Variants in ADARB1 observed in about 807,000 individuals in gnomAD.
The protein encoded by ADARB1 is adenosine deaminase RNA specific B1.
ADARB1 carries 10 observed loss-of-function variants against 52.4 expected under a neutral mutation model. The ratio of observed to expected loss-of-function variants is 0.19; its 90% CI spans 0.12 to 0.32. The LOEUF is 0.32. ADARB1 is among the 10% of genes least tolerant of loss of function. The pLI, the probability that ADARB1 is intolerant of heterozygous loss-of-function variation, is 1.00. For missense variants in ADARB1, 643 were observed against 922.3 expected, an observed-to-expected ratio of 0.70 and a Z score of 3.92; for synonymous variants, 349 against 371.1, an observed-to-expected ratio of 0.94 and a Z score of 0.68.
At chr21:45,121,636 G>A (rs1440763928) in intron 1 of ADARB1, among the ~76,000 whole-genome samples, 1 of 152,090 alleles carries the variant, frequency 6.6e-6, no homozygotes, top group Non-Finnish European at 1.5e-5. Flanking sequence ...TTATTGCTTC[G>A]GTTCTACTGC....
intron 7 of ADARB1, chr21:45,184,476 T>C: frequency 4.4e-6 from 1 of 229,018 alleles, no homozygotes; most frequent in Non-Finnish European, 8.9e-6. Context: ...TGAGACAGGG[T>C]CTCGCTCTTA....
chr21:45,212,373 A>G (rs1021814803), intron 9 of ADARB1, among the ~76,000 whole-genome samples: 2 of 152,156 alleles, frequency 1.3e-5, no homozygotes, highest in Non-Finnish European at 2.9e-5. Context: ...GACCTGCAGG[A>G]ACTCAGAACA....
At chr21:45,191,850 A>C (rs925853772) in intron 8 of ADARB1, among the ~76,000 whole-genome samples, 1 of 61,956 alleles carries the variant, frequency 1.6e-5, no homozygotes, top group African/African-American at 8.2e-5. Flanking sequence ...CATCCAGTCC[A>C]TATATATATA....
chr21:45,168,621 T>G (rs185068706), intron 2 of ADARB1, among the ~76,000 whole-genome samples: 1 of 152,358 alleles, frequency 6.6e-6, no homozygotes, highest in African/African-American at 2.4e-5. Context: ...TGTGGTGTAT[T>G]CGGGGTTCTC....
At position 45,200,786 on chromosome 21, in the gene ADARB1, C is replaced by T. The variant is rs1213058250; in HGVS notation, c.1566-3769C>T. On this transcript the variant is annotated intron_variant, in intron 8 of 10. Transcript: ENST00000348831. The surrounding 1 kb of genome is among the most constrained non-coding windows in gnomAD (Gnocchi z 5.0). ...TTCCTGAAAGCCTGGCTGACTGGGC[C>T]GAGTGCTGTGGAGGCTGTGGTTTGG... Among the ~76,000 whole-genome samples, 2 of 152,064 alleles carry T rather than the reference C, an allele frequency of 1.3e-5. No individual in the cohort carries two copies. The highest frequency in any genetic ancestry group is 2.9e-5 in the Non-Finnish European group (2 of 68,016).
At chr21:45,191,324 G>A (rs981110384) in intron 8 of ADARB1, among the ~76,000 whole-genome samples, 10 of 152,112 alleles carry the variant, frequency 6.6e-5, no homozygotes, top group Admixed American at 2.0e-4. Context: ...CAGGACCTTG[G>A]ATGATATGTT....
chr21:45,088,189 G>T (rs2086421568), intron 1 of ADARB1, among the ~76,000 whole-genome samples: 2 of 152,192 alleles, frequency 1.3e-5, no homozygotes, highest in Admixed American at 1.3e-4. Flanking sequence ...GCATCTCCTA[G>T]CCTTGTCCGT....
Position 45,152,616 on chromosome 21 carries a change from C to A in ADARB1, c.-47-18994C>A, listed in dbSNP as rs1311353456. On this transcript the variant is annotated intron_variant, in intron 2 of 10. Transcript: ENST00000348831. ...TGGCATTGGCGTGTCTGCATGGCGT[C>A]GTCCACCACTGGGCCTTTGCACATG... The A allele has an allele frequency of 9.2e-6, 4 of 434,028 alleles. No homozygotes were observed. The East Asian group carries it at 3.1e-4, about 33-fold the overall frequency. The allele number at this position is 434,028 out of a possible 1,614,324, so 26.9% of individuals were successfully genotyped here. A position where few individuals can be genotyped will look rare whatever the true frequency, so the allele number is the denominator to read the frequency against.
rs1020710966 is a variant in ADARB1, at chr21:45,185,115, G to A, written c.1565+24G>A. On this transcript the variant is annotated intron_variant, in intron 8 of 10. Transcript: ENST00000348831. Reference sequence around the variant, plus strand: ...CGGTAAGGGGCGGGGGCTCCCTGTGGCCACCTCCCTGCACACAGGATTCAT... The same window carrying A: ...CGGTAAGGGGCGGGGGCTCCCTGTGACCACCTCCCTGCACACAGGATTCAT... The A allele has an allele frequency of 2.5e-6, 4 of 1,610,028 alleles. No individual in the cohort carries two copies. In the African/African-American group the frequency reaches 4.0e-5, roughly 16 times the overall value.
At position 45,175,778 on chromosome 21, in the gene ADARB1, C is replaced by A; in HGVS notation, c.77C>A (p.Ser26Tyr). 6.2e-7 allele frequency: 1 copy of A among 1,614,158 alleles called. No homozygotes were observed. The highest frequency in any genetic ancestry group is 8.5e-7 in the Non-Finnish European group (1 of 1,180,016). The change falls in exon 4 of 11, where the codon TCC becomes TAC. Residue 26 changes from serine (S) to tyrosine (Y), a missense_variant. Around this residue, in one of 2 missense-constraint regions of ADARB1, gnomAD observed 380 missense variants for 446.5 expected, o/e 0.85. Transcript: ENST00000348831. Reference protein sequence around the residue: ...VKENRNLDNVSPKDGSTPGPG... With the variant: ...VKENRNLDNVYPKDGSTPGPG... ...GAAAACCGCAATCTGGACAACGTGTCCCCCAAGGATGGCAGCACACCTGGG... is the reference window on the plus strand; with the variant it reads ...GAAAACCGCAATCTGGACAACGTGTACCCCAAGGATGGCAGCACACCTGGG...
At chr21:45,082,648 G>A (rs185213769) in intron 1 of ADARB1, among the ~76,000 whole-genome samples, 15 of 152,278 alleles carry the variant, frequency 9.9e-5, no homozygotes, top group Admixed American at 9.8e-4. Flanking sequence ...GCTGGATAAT[G>A]TTTAACATTT....
At position 45,210,117 on chromosome 21, in the gene ADARB1, T is replaced by C. The variant is rs187089312; in HGVS notation, c.1747+5381T>C. 1.4e-3 allele frequency among the ~76,000 whole-genome samples: 209 copies of C among 152,336 alleles called. 3 individuals carry two copies. The East Asian group carries it at 0.023, about 16-fold the overall frequency. On this transcript the variant is annotated intron_variant, in intron 9 of 10. Coordinates refer to ENST00000348831, the MANE Select transcript of ADARB1 (RefSeq NM_001112.4). ...TCTCCTTTCTGGGAGAGTGACTCCATTTGGGGCTCGTCATCTCTGTTGGGT... is the reference window on the plus strand; with the variant it reads ...TCTCCTTTCTGGGAGAGTGACTCCACTTGGGGCTCGTCATCTCTGTTGGGT...
chr21:45,138,801 C>G (rs565704876), intron 2 of ADARB1, among the ~76,000 whole-genome samples: 1 of 152,110 alleles, frequency 6.6e-6, no homozygotes, highest in African/African-American at 2.4e-5. Context: ...CCCATGTGCT[C>G]GTGGCCTGTG....
chr21:45,193,582 G>A (rs1243312924), intron 8 of ADARB1, among the ~76,000 whole-genome samples: 1 of 152,084 alleles, frequency 6.6e-6, no homozygotes, highest in Non-Finnish European at 1.5e-5. Flanking sequence ...ATATTGAAAA[G>A]GAAAAAGTAA....
rs2088750526 is a variant in ADARB1 at position 45,128,755 on chromosome 21, C to G, written c.-48+182C>G. Among the ~76,000 whole-genome samples, 2 of 152,176 alleles carry G rather than the reference C, an allele frequency of 1.3e-5. No individual in the cohort carries two copies. The highest frequency in any genetic ancestry group is 2.9e-5 in the Non-Finnish European group (2 of 68,030). ...AATCTTACTGCAGCCTTAGCTCACCCATGAGTCCCTCCTGCTTGTTCTGGG... is the reference window on the plus strand; with the variant it reads ...AATCTTACTGCAGCCTTAGCTCACCGATGAGTCCCTCCTGCTTGTTCTGGG... On this transcript the variant is annotated intron_variant, in intron 2 of 10. Coordinates refer to ENST00000348831, the MANE Select transcript of ADARB1 (RefSeq NM_001112.4). The surrounding 1 kb of genome is among the most constrained non-coding windows in gnomAD (Gnocchi z 4.6).
chr21:45,141,760 G>C (rs966130348), intron 2 of ADARB1, among the ~76,000 whole-genome samples: 1 of 151,630 alleles, frequency 6.6e-6, no homozygotes, highest in African/African-American at 2.4e-5. Flanking sequence ...GCCACCCCAG[G>C]GTCACCTTAG....
At chr21:45,196,390 A>T (rs1190398889) in intron 8 of ADARB1, among the ~76,000 whole-genome samples, 2 of 152,234 alleles carry the variant, frequency 1.3e-5, no homozygotes, top group Non-Finnish European at 2.9e-5. Flanking sequence ...TGGGCCATAG[A>T]CCTAAATGCA....
chr21:45,127,736 C>G (rs771902163), intron 1 of ADARB1, among the ~76,000 whole-genome samples: 7 of 152,182 alleles, frequency 4.6e-5, no homozygotes, highest in Non-Finnish European at 8.8e-5. Context: ...AGAGACTTCT[C>G]TTTGGAACTC....
At position 45,074,600 on chromosome 21, in the gene ADARB1, GC is replaced by G. The variant is rs1440508722; in HGVS notation, c.-412del. The G allele has an allele frequency of 6.9e-6, 1 of 144,878 alleles. No individual in the cohort carries two copies. The highest frequency in any genetic ancestry group is 2.7e-5 in the African/African-American group (1 of 37,454). 9.0% of individuals were successfully genotyped at this position (144,878 alleles called of 1,614,324 possible). A position where few individuals can be genotyped will look rare whatever the true frequency, so the allele number is the denominator to read the frequency against. On this transcript the variant is annotated 5_prime_UTR_variant, in exon 1 of 11. Transcript: ENST00000348831. ...GGGCTGAGGCGCTGAGGCGGCCGTG[GC>G]GGCGGCGGCGGCGGCGGCGGCAGCG...
Sources: gnomAD v4.1 joint callset for allele counts (sites outside exome capture counted in the v4.1 genomes callset) on GRCh38, gnomAD v4.1.1 for gene constraint, gnomAD v4.1.1 regional missense constraint, Gnocchi (gnomAD v3.1) non-coding constraint, MANE v1.5 for transcripts, NCBI Gene and HGNC (gene_info 2026-07-23, HGNC 2026-07-21) for gene names.